Variants in ZFAND3 observed in about 807,000 individuals in gnomAD.
The protein encoded by ZFAND3 is zinc finger AN1-type containing 3.
In ZFAND3, 10 loss-of-function variants were observed where a neutral mutation model predicts 29.6. The ratio of observed to expected loss-of-function variants is 0.34; its 90% confidence interval spans 0.21 to 0.57. The LOEUF (loss-of-function observed/expected upper bound fraction) is 0.57. Ranked by LOEUF, ZFAND3 falls within the 20% of genes least tolerant of loss-of-function variation. ZFAND3 has a pLI of 0.86. For synonymous variants in ZFAND3, 128 were observed against 112.6 expected, an observed-to-expected ratio of 1.14 and a Z score of -0.87; for missense variants, 230 against 304.5, an observed-to-expected ratio of 0.76 and a Z score of 1.82.
chr6:38,027,707 A>C (rs796766934), intron 2 of ZFAND3, among the ~76,000 whole-genome samples: 2 of 152,334 alleles, frequency 1.3e-5, no homozygotes, highest in South Asian at 4.1e-4. Flanking sequence ...ATATTTGTGC[A>C]AAAGGCGGAT....
chr6:37,864,308 T>C (rs1764544983), intron 1 of ZFAND3, among the ~76,000 whole-genome samples: 1 of 152,048 alleles, frequency 6.6e-6, no homozygotes, highest in African/African-American at 2.4e-5. Flanking sequence ...CAATTTAAAT[T>C]TTCTGCTTTT....
chr6:38,038,600 AG>A (rs1763703519), intron 2 of ZFAND3, among the ~76,000 whole-genome samples: 1 of 152,142 alleles, frequency 6.6e-6, no homozygotes, highest in South Asian at 2.1e-4. Context: ...TTCATATAGG[AG>A]AATGAAAGTC....
At chr6:38,060,480 T>TTCCTGTCCTG (rs368578954) in intron 2 of ZFAND3, among the ~76,000 whole-genome samples, 237 of 150,784 alleles carry the variant, frequency 1.6e-3, no homozygotes, top group African/African-American at 5.4e-3. Context: ...GCTTTCTCTG[T>TTCCTGTCCTG]TCCTGTCCTG....
intron 2 of ZFAND3, among the ~76,000 whole-genome samples, chr6:37,978,220 C>A (rs997508802): frequency 6.6e-6 from 1 of 152,068 alleles, no homozygotes; most frequent in Non-Finnish European, 1.5e-5. Context: ...TTGTTTTTCT[C>A]CTTTAATTCA....
intron 2 of ZFAND3, among the ~76,000 whole-genome samples, chr6:37,932,764 A>G (rs946275840): frequency 1.3e-5 from 2 of 152,188 alleles, no homozygotes; most frequent in East Asian, 1.9e-4. Context: ...TTCTGTGTTT[A>G]TAATTATCTG....
chr6:37,886,337 A>G (rs926916274), intron 1 of ZFAND3, among the ~76,000 whole-genome samples: 15 of 151,330 alleles, frequency 9.9e-5, no homozygotes, highest in Non-Finnish European at 1.9e-4. Context: ...CTTAATGACA[A>G]AGAAACCAAT....
chr6:37,888,175 T>G (rs1174854294), intron 1 of ZFAND3, among the ~76,000 whole-genome samples: 5 of 152,138 alleles, frequency 3.3e-5, no homozygotes, highest in Admixed American at 2.6e-4. Context: ...TTCCATATAT[T>G]AGAGTATGGT....
chr6:37,821,018 T>C (rs1763657344), intron 1 of ZFAND3, among the ~76,000 whole-genome samples: 1 of 152,226 alleles, frequency 6.6e-6, no homozygotes, highest in Non-Finnish European at 1.5e-5. Context: ...TTCTCTTTTA[T>C]CGTTTTGTTT....
rs1446773233 is a variant in ZFAND3, at chr6:38,041,792, T to C, written c.113-19801T>C. On this transcript the variant is annotated intron_variant, in intron 2 of 5. Transcript: ENST00000287218. Reference sequence around the variant, plus strand: ...TCCTCCTCCTCCTCCTCTTCTTTCTTCTTCTTCTCCTCTTCTTTCTTCTTC... The same window carrying C: ...TCCTCCTCCTCCTCCTCTTCTTTCTCCTTCTTCTCCTCTTCTTTCTTCTTC... 2.4e-3 allele frequency among the ~76,000 whole-genome samples: 4 copies of C among 1,670 alleles called. 2 individuals are homozygous for C. Among genetic ancestry groups the C allele is most frequent in the Non-Finnish European group, 0.022 (2 of 90 alleles). The allele number at this position is 1,670 out of a possible 152,430, so 1.1% of individuals were successfully genotyped here.
intron 2 of ZFAND3, among the ~76,000 whole-genome samples, chr6:37,976,581 C>A (rs1762481638): frequency 2.1e-5 from 2 of 93,690 alleles, no homozygotes. Flanking sequence ...GAGACACTGT[C>A]TCCAAAAAAA....
chr6:37,846,981 G>A (rs886208797), intron 1 of ZFAND3, among the ~76,000 whole-genome samples: 4 of 151,994 alleles, frequency 2.6e-5, no homozygotes, highest in African/African-American at 9.7e-5. Flanking sequence ...AAAGTGCTGG[G>A]ATTACAGGCT....
At chr6:38,128,387 A>C (rs781167708) in intron 5 of ZFAND3, among the ~76,000 whole-genome samples, 2 of 152,176 alleles carry the variant, frequency 1.3e-5, no homozygotes, top group Non-Finnish European at 2.9e-5. Context: ...TGTTTACATG[A>C]TTAAATTCTT....
chr6:37,853,837 CG>C (rs1378099387), intron 1 of ZFAND3, among the ~76,000 whole-genome samples: 2 of 151,980 alleles, frequency 1.3e-5, no homozygotes, highest in Non-Finnish European at 2.9e-5. Flanking sequence ...TAAACTATTT[CG>C]GGGGGAAAAC....
chr6:38,011,737 G>C, intron 2 of ZFAND3, among the ~76,000 whole-genome samples: 1 of 151,808 alleles, frequency 6.6e-6, no homozygotes, highest in South Asian at 2.1e-4. Context: ...TATATTAATT[G>C]GTTTTGTAGT....
intron 2 of ZFAND3, among the ~76,000 whole-genome samples, chr6:38,014,825 T>G (rs1390738775): frequency 1.3e-5 from 2 of 152,134 alleles, no homozygotes; most frequent in Admixed American, 1.3e-4. Context: ...TGGTATAGAG[T>G]TAAGCATCAA....
rs1561795463 is a variant in ZFAND3, at chr6:38,153,350, C to G, written c.*961C>G. 2.0e-6 allele frequency: 2 copies of G among 985,392 alleles called. No individual in the cohort carries two copies. Among genetic ancestry groups the G allele is most frequent in the Non-Finnish European group, 2.4e-6 (2 of 829,972 alleles). 61.0% of individuals were successfully genotyped at this position (985,392 alleles called of 1,614,324 possible). On this transcript the variant is annotated 3_prime_UTR_variant, in exon 6 of 6. Coordinates refer to ENST00000287218, the MANE Select transcript of ZFAND3 (RefSeq NM_021943.3). ...CTGGGGAAGCTGCCGCCCACGGGCT[C>G]TGCCCCTTCCAGCTGGAGCCGCCCG...
At chr6:37,994,767 G>A (rs1479273958) in intron 2 of ZFAND3, among the ~76,000 whole-genome samples, 1 of 152,166 alleles carries the variant, frequency 6.6e-6, no homozygotes, top group Non-Finnish European at 1.5e-5. Context: ...AAACAATGAA[G>A]ATTTACCAAG....
chr6:38,063,964 A>G (rs1265703700), intron 3 of ZFAND3, among the ~76,000 whole-genome samples: 1 of 152,142 alleles, frequency 6.6e-6, no homozygotes, highest in Non-Finnish European at 1.5e-5. Flanking sequence ...AAAAAAAAAA[A>G]CGGTGAAAAT....
At chr6:37,881,721 A>G (rs1027262786) in intron 1 of ZFAND3, among the ~76,000 whole-genome samples, 2 of 152,160 alleles carry the variant, frequency 1.3e-5, no homozygotes, top group Non-Finnish European at 2.9e-5. Flanking sequence ...TGGGACCTTC[A>G]TAGAGATTTT....
Sources: gnomAD v4.1 joint callset for allele counts (sites outside exome capture counted in the v4.1 genomes callset) on GRCh38, gnomAD v4.1.1 for gene constraint, MANE v1.5 for transcripts, NCBI Gene and HGNC (gene_info 2026-07-23, HGNC 2026-07-21) for gene names.